Variants in IRF8 observed in about 807,000 individuals in gnomAD.
IRF8 encodes the protein interferon consensus sequence binding protein 1.
IRF8 carries 14 observed loss-of-function variants against 48.7 expected under a neutral mutation model. That is an observed-to-expected ratio of 0.29 (90% CI 0.19 to 0.45). The LOEUF is 0.45. Among genes scored for constraint, IRF8 ranks in the 20% least tolerant of loss-of-function variants. The pLI, the probability that IRF8 is intolerant of heterozygous loss-of-function variation, is 1.00. For synonymous variants in IRF8, 278 were observed against 227.3 expected (o/e 1.22, Z -2.01); for missense variants, 493 against 580.7 (o/e 0.85, Z 1.55).
intron 3 of IRF8, chr16:85,910,017 A>T (rs953658461): frequency 6.6e-6 from 1 of 152,202 alleles, no homozygotes; most frequent in Admixed American, 6.5e-5. Flanking sequence ...GAAACCCCCA[A>T]AACTTCTTGG....
At chr16:85,920,534 G>A (rs1392374153) in intron 8 of IRF8, among the ~76,000 whole-genome samples, 8 of 152,132 alleles carry the variant, frequency 5.3e-5, no homozygotes, top group African/African-American at 9.7e-5. Flanking sequence ...CACCTCGCCC[G>A]GCAGTCTGGG....
intron 1 of IRF8, among the ~76,000 whole-genome samples, chr16:85,900,704 AAG>A (rs960246692): frequency 6.6e-6 from 1 of 152,200 alleles, no homozygotes; most frequent in Non-Finnish European, 1.5e-5. Context: ...CTCTTAAATA[AAG>A]AGGGGACTGG....
intron 6 of IRF8, among the ~76,000 whole-genome samples, chr16:85,915,051 CCTCAT>C (rs1905258901): frequency 6.6e-6 from 1 of 152,230 alleles, no homozygotes; most frequent in Non-Finnish European, 1.5e-5. Flanking sequence ...CCTCTCAGAG[CCTCAT>C]CTCAGGCTCC....
chr16:85,921,776 A>C lies in IRF8; in HGVS notation c.*494A>C, dbSNP rs981560333. 1 of 185,564 alleles carries C rather than the reference A, an allele frequency of 5.4e-6. No homozygotes were observed. Among genetic ancestry groups the C allele is most frequent in the African/African-American group, 2.4e-5 (1 of 41,656 alleles). 11.5% of individuals were successfully genotyped at this position (185,564 alleles called of 1,614,324 possible). A position where few individuals can be genotyped will look rare whatever the true frequency, so the allele number is the denominator to read the frequency against. On this transcript the variant is annotated 3_prime_UTR_variant, in exon 9 of 9. Transcript: ENST00000268638. The stretch of plus-strand genomic sequence containing the variant: ...TCTTTTTACTTTTATGCATTTTAAT[A>C]AGATTTAAAAATATTTAGATTAAAG...
intron 2 of IRF8, among the ~76,000 whole-genome samples, chr16:85,905,770 T>C (rs1443040088): frequency 1.3e-5 from 2 of 152,250 alleles, no homozygotes; most frequent in Admixed American, 1.3e-4. Flanking sequence ...GACACTTGTT[T>C]CTTTCAACTG....
At chr16:85,911,461 C>T (rs1335405451) in intron 3 of IRF8, 109 bp from the exon 4 acceptor site, 1 of 931,880 alleles carries the variant, frequency 1.1e-6, no homozygotes, top group African/African-American at 1.6e-5. Flanking sequence ...AAGACACTCA[C>T]TAACTTAATG....
intron 5 of IRF8, chr16:85,914,139 G>T: frequency 2.6e-6 from 1 of 387,728 alleles, no homozygotes; most frequent in Non-Finnish European, 4.9e-6. Context: ...TAAGCCCTGG[G>T]TGGTGGGTAT....
chr16:85,913,458 C>T (rs1025964303), intron 5 of IRF8: 16 of 586,118 alleles, frequency 2.7e-5, no homozygotes, highest in South Asian at 2.5e-4. Flanking sequence ...CTCAGGAGGG[C>T]ACAAGCTGCT....
At chr16:85,911,907 C>T (rs1905156488) in intron 4 of IRF8, among the ~76,000 whole-genome samples, 1 of 152,252 alleles carries the variant, frequency 6.6e-6, no homozygotes, top group Admixed American at 6.5e-5. Flanking sequence ...TGGGCCTGAG[C>T]TGCCGGTTAT....
chr16:85,917,446 T>C (rs1905351757), intron 6 of IRF8, among the ~76,000 whole-genome samples: 1 of 152,206 alleles, frequency 6.6e-6, no homozygotes, highest in African/African-American at 2.4e-5. Context: ...GTTACTAACA[T>C]CATGTTTTTC....
intron 6 of IRF8, among the ~76,000 whole-genome samples, chr16:85,917,196 A>G (rs1309354260): frequency 6.6e-6 from 1 of 152,194 alleles, no homozygotes; most frequent in Admixed American, 6.5e-5. Context: ...CCGTGGAGTT[A>G]GGCACCTCAC....
rs1392635609 is a variant in IRF8, at chr16:85,903,177, C to T, written c.162C>T (p.Ala54=). ...AAGATTATAATCAGGAAGTGGATGCCTCCATTTTTAAGGTAAAGAGCCCAG... is the reference window on the plus strand; with the variant it reads ...AAGATTATAATCAGGAAGTGGATGCTTCCATTTTTAAGGTAAAGAGCCCAG... ...GKQDYNQEVD[A]SIFKAWAVFK... The change falls in exon 2 of 9, where the codon GCC becomes GCT. Residue 54 remains alanine (A), a synonymous_variant. Coordinates refer to ENST00000268638, the MANE Select transcript of IRF8 (RefSeq NM_002163.4). The T allele has an allele frequency of 6.2e-7, 1 of 1,614,024 alleles. No individual in the cohort carries two copies. Among genetic ancestry groups the T allele is most frequent in the Middle Eastern group, 1.7e-4 (1 of 6,018 alleles).
rs1420536903 is a variant in IRF8 at position 85,909,133 on chromosome 16, A to T, written c.318A>T (p.Pro106=). The change falls in exon 3 of 9, where the codon CCA becomes CCT. Residue 106 remains proline (P), a synonymous_variant. Coordinates refer to ENST00000268638, the MANE Select transcript of IRF8 (RefSeq NM_002163.4). The part of the protein sequence containing the change: ...TDRSQLDISE[P]YKVYRIVPEE... ...GGTCCCAACTGGACATTTCCGAGCC[A>T]TACAAAGTTTACCGAATTGTTCCTG... 1 of 1,614,100 alleles carries T rather than the reference A, an allele frequency of 6.2e-7. No homozygotes were observed. Among genetic ancestry groups the T allele is most frequent in the African/African-American group, 1.3e-5 (1 of 74,938 alleles).
At chr16:85,919,638 T>A (rs759127171) in intron 7 of IRF8, among the ~76,000 whole-genome samples, 2 of 152,202 alleles carry the variant, frequency 1.3e-5, no homozygotes, top group Non-Finnish European at 2.9e-5. Flanking sequence ...TCTGATTCCA[T>A]GGGTCTGAGG....
chr16:85,904,810 A>ATTTTTTTTTTTTTT (rs1418168585), intron 2 of IRF8, among the ~76,000 whole-genome samples: 1 of 64,634 alleles, frequency 1.5e-5, no homozygotes, highest in Admixed American at 1.5e-4. Context: ...TTGATTGCAG[A>ATTTTTTTTTTTTTT]TCTTTTTTTT....
At chr16:85,918,057 C>T (rs535177480) in intron 6 of IRF8, among the ~76,000 whole-genome samples, 24 of 152,140 alleles carry the variant, frequency 1.6e-4, no homozygotes, top group African/African-American at 2.2e-4. Flanking sequence ...GCCTATGAGA[C>T]GGAGTATTGT....
chr16:85,912,703 G>C (rs1048626246), intron 4 of IRF8, among the ~76,000 whole-genome samples: 1 of 152,256 alleles, frequency 6.6e-6, no homozygotes, highest in African/African-American at 2.4e-5. Context: ...CCTCCTTTAA[G>C]GAATGGGCCA....
chr16:85,914,660 C>T, intron 6 of IRF8, 140 bp downstream of exon 6: 2 of 956,322 alleles, frequency 2.1e-6, no homozygotes, highest in South Asian at 2.8e-5. Flanking sequence ...ATGAGCAGGA[C>T]CTGGTGTGGA....
rs1905496847 is a variant in IRF8 at position 85,920,194 on chromosome 16, C to T, written c.1074C>T (p.Ala358=). The T allele has an allele frequency of 6.2e-7, 1 of 1,612,074 alleles. No individual in the cohort carries two copies. ...LCFGEEFPDM[A]PLRSKLILVQ... ...TTGGGGAAGAGTTTCCGGATATGGC[C>T]CCCTTGCGCTCCAAACTCATTCTCG... The change falls in exon 8 of 9, where the codon GCC becomes GCT. Residue 358 remains alanine, a synonymous_variant. Coordinates refer to ENST00000268638, the MANE Select transcript of IRF8 (RefSeq NM_002163.4).
Sources: allele counts gnomAD v4.1 joint callset (sites outside exome capture counted in the v4.1 genomes callset), GRCh38; gene constraint gnomAD v4.1.1; transcripts MANE v1.5; gene names NCBI Gene and HGNC (gene_info 2026-07-23, HGNC 2026-07-21).